The following PTK2B variants were observed in gnomAD, a reference collection of about 807,000 sequenced individuals.
PTK2B encodes the protein protein tyrosine kinase 2 beta, also known as protein-tyrosine kinase 2-beta.
Under a neutral mutation model 142.9 loss-of-function variants are expected in PTK2B, and 71 were observed. The observed-to-expected ratio is 0.50, with a 90% CI of 0.41 to 0.61. The LOEUF is 0.61. PTK2B is among the 20% of genes least tolerant of loss of function. PTK2B has a pLI of 0.00. For synonymous variants in PTK2B, 519 were observed against 503.4 expected, an observed-to-expected ratio of 1.03 and a Z score of -0.42; for missense variants, 1,105 against 1,320.4, an observed-to-expected ratio of 0.84 and a Z score of 2.53.
chr8:27,421,502 T>C (rs539847027), intron 4 of PTK2B, among the ~76,000 whole-genome samples: 1 of 152,232 alleles, frequency 6.6e-6, no homozygotes. Flanking sequence ...GTCATTCTTA[T>C]GCCTTTGCAT....
In PTK2B at chr8:27,440,444, G is replaced by T; in HGVS notation, c.2039+3G>T. On this transcript the variant is annotated splice_donor_region_variant and intron_variant, in intron 21 of 30. Coordinates refer to ENST00000346049, the MANE Select transcript of PTK2B (RefSeq NM_173176.3). ...ACCGAGCTGGTGTGCAGCCTCAGGT[G>T]AGCATGGAGTGTGGGCTGTGGGCTG... The T allele has an allele frequency of 6.2e-7, 1 of 1,613,356 alleles. No individual in the cohort carries two copies. The highest frequency in any genetic ancestry group is 8.5e-7 in the Non-Finnish European group (1 of 1,179,966).
intron 1 of PTK2B, among the ~76,000 whole-genome samples, chr8:27,374,203 T>C (rs1806529987): frequency 6.6e-6 from 1 of 152,208 alleles, no homozygotes; most frequent in African/African-American, 2.4e-5. Flanking sequence ...AATAGAAGTA[T>C]TTGCAGGGCA....
chr8:27,454,985 A>G (rs1286150191), intron 30 of PTK2B, among the ~76,000 whole-genome samples: 1 of 152,136 alleles, frequency 6.6e-6, no homozygotes, highest in African/African-American at 2.4e-5. Context: ...TCTTTATTTA[A>G]TCTGATTTTC....
chr8:27,443,217 C>A (rs1811267471), intron 22 of PTK2B, among the ~76,000 whole-genome samples: 1 of 152,210 alleles, frequency 6.6e-6, no homozygotes, highest in African/African-American at 2.4e-5. Context: ...CAAAAGTGTC[C>A]CCTGAGGGGC....
At chr8:27,400,796 G>A (rs4732722) in intron 2 of PTK2B, among the ~76,000 whole-genome samples, 57,764 of 152,064 alleles carry the variant, frequency 0.38, 11,590 homozygotes, top group Middle Eastern at 0.5. Flanking sequence ...CCACGGAGGA[G>A]CGTGGGTCTG....
chr8:27,332,491 T>C (rs1473392747), intron 1 of PTK2B, among the ~76,000 whole-genome samples: 1 of 152,218 alleles, frequency 6.6e-6, no homozygotes, highest in African/African-American at 2.4e-5. Flanking sequence ...AGCCTTACTT[T>C]GCTAATTTGT....
chr8:27,422,441 G>T, intron 5 of PTK2B, 58 bp downstream of exon 5: 2 of 1,421,740 alleles, frequency 1.4e-6, no homozygotes, highest in South Asian at 2.7e-5. Flanking sequence ...GGGCAGGCCC[G>T]ACCTTTCCCC....
intron 2 of PTK2B, among the ~76,000 whole-genome samples, chr8:27,419,680 G>A (rs1809622638): frequency 6.6e-6 from 1 of 152,158 alleles, no homozygotes; most frequent in South Asian, 2.1e-4. Context: ...TGCTCTCTCA[G>A]TTCCTCTGTC....
chr8:27,458,105 T>C (rs1812260823), intron 30 of PTK2B, among the ~76,000 whole-genome samples, 189 bp from the exon 31 acceptor site: 1 of 152,172 alleles, frequency 6.6e-6, no homozygotes, highest in African/African-American at 2.4e-5. Flanking sequence ...ATGTCTGTGA[T>C]GTCAGTCCTT....
intron 2 of PTK2B, among the ~76,000 whole-genome samples, chr8:27,405,948 T>G (rs1808688427): frequency 6.6e-6 from 1 of 152,240 alleles, no homozygotes; most frequent in African/African-American, 2.4e-5. Flanking sequence ...TTTCTATGGC[T>G]GCCACTGCAA....
intron 2 of PTK2B, chr8:27,313,181 C>T (rs1024609263): frequency 6.6e-6 from 1 of 152,340 alleles, no homozygotes; most frequent in South Asian, 2.1e-4. Flanking sequence ...GTAATTCCTC[C>T]TGTGTTCATT....
At chr8:27,359,590 A>G (rs1027642344) in intron 1 of PTK2B, among the ~76,000 whole-genome samples, 2 of 152,128 alleles carry the variant, frequency 1.3e-5, no homozygotes, top group African/African-American at 4.8e-5. Flanking sequence ...GCTTATGGAA[A>G]TGCACTCCAG....
In PTK2B at chr8:27,442,972, C is replaced by G; in HGVS notation, c.2137C>G (p.Pro713Ala). 1 of 1,613,540 alleles carries G rather than the reference C, an allele frequency of 6.2e-7. No individual in the cohort carries two copies. Among genetic ancestry groups the G allele is most frequent in the East Asian group, 2.2e-5 (1 of 44,884 alleles). Residue 713 changes from proline to alanine, a missense_variant, in exon 22 of 31, where the codon CCC becomes GCC. Coordinates refer to ENST00000346049, the MANE Select transcript of PTK2B (RefSeq NM_173176.3). ...CTTGGAGCCCACAGCCTTCCAGGAA[C>G]CCCCACCCAAGGTAAGCCAAGCCAT... is the stretch of plus-strand genomic sequence containing the variant. Reference protein sequence around the residue: ...KILEPTAFQEPPPKPSRPKYR... With the variant: ...KILEPTAFQEAPPKPSRPKYR...
intron 9 of PTK2B, among the ~76,000 whole-genome samples, chr8:27,431,809 T>C (rs1810443317): frequency 6.6e-6 from 1 of 152,210 alleles, no homozygotes; most frequent in South Asian, 2.1e-4. Context: ...CTGGGTCCAG[T>C]CCTGGCTCCA....
chr8:27,377,894 T>C (rs1806769384), intron 1 of PTK2B, among the ~76,000 whole-genome samples: 1 of 152,152 alleles, frequency 6.6e-6, no homozygotes, highest in Admixed American at 6.5e-5. Flanking sequence ...CTTAACACTA[T>C]TCCTGGCATC....
intron 1 of PTK2B, among the ~76,000 whole-genome samples, chr8:27,347,847 C>T (rs1485818833): frequency 6.6e-6 from 1 of 152,232 alleles, no homozygotes; most frequent in East Asian, 1.9e-4. Flanking sequence ...TTCTACCTCT[C>T]ATGCATTTGA....
At chr8:27,408,053 A>G (rs1369178151) in intron 2 of PTK2B, among the ~76,000 whole-genome samples, 1 of 152,176 alleles carries the variant, frequency 6.6e-6, no homozygotes, top group African/African-American at 2.4e-5. Flanking sequence ...AGAAAACAAT[A>G]TCCCCAAATG....
intron 5 of PTK2B, 131 bp from the exon 6 acceptor site, chr8:27,429,962 C>G: frequency 3.6e-6 from 3 of 837,546 alleles, no homozygotes; most frequent in Non-Finnish European, 6.1e-6. Context: ...TTATGACTCT[C>G]CTAACTTCCT....
intron 1 of PTK2B, among the ~76,000 whole-genome samples, chr8:27,391,127 C>G (rs1807696908): frequency 6.7e-6 from 1 of 149,318 alleles, no homozygotes; most frequent in Non-Finnish European, 1.5e-5. Flanking sequence ...TTCCCCCAGT[C>G]TGGAGTGCAA....
Sources: allele counts gnomAD v4.1 joint callset (sites outside exome capture counted in the v4.1 genomes callset), GRCh38; gene constraint gnomAD v4.1.1; transcripts MANE v1.5; gene names NCBI Gene and HGNC (gene_info 2026-07-23, HGNC 2026-07-21).